Variants in PHACTR4 observed in about 807,000 individuals in gnomAD.
The protein encoded by PHACTR4 is phosphatase and actin regulator 4, also known as protein phosphatase 1, regulatory subunit 124.
PHACTR4 carries 51 observed loss-of-function variants against 72.7 expected under a neutral mutation model. The ratio of observed to expected loss-of-function variants is 0.70; its 90% CI spans 0.56 to 0.89. The LOEUF is 0.89. Among genes scored for constraint, PHACTR4 ranks in the 40% least tolerant of loss-of-function variants. The probability of loss-of-function intolerance (pLI) is 0.00; values close to 1 mark genes in which losing one functional copy is unlikely to be tolerated. For synonymous variants in PHACTR4, 255 were observed against 302.5 expected (o/e 0.84, Z 1.63); for missense variants, 731 against 861.8 (o/e 0.85, Z 1.90).
chr1:28,402,262 C>A (rs922346158), intron 1 of PHACTR4, among the ~76,000 whole-genome samples: 2 of 151,892 alleles, frequency 1.3e-5, no homozygotes, highest in Non-Finnish European at 2.9e-5. Context: ...TAGGGAATAC[C>A]TGGGGGGGAA....
At chr1:28,407,947 C>T (rs964787345) in intron 2 of PHACTR4, among the ~76,000 whole-genome samples, 11 of 151,680 alleles carry the variant, frequency 7.3e-5, no homozygotes, top group Non-Finnish European at 1.3e-4. Flanking sequence ...GACAAAACCC[C>T]GTCTCTACTA....
chr1:28,387,232 G>C (rs958991389), intron 1 of PHACTR4, among the ~76,000 whole-genome samples: 2 of 143,412 alleles, frequency 1.4e-5, no homozygotes, highest in African/African-American at 5.3e-5. Flanking sequence ...CTGCACTCCA[G>C]TGTGGCAACA....
In PHACTR4 at chr1:28,491,661, G is replaced by A. The variant is rs776684868; in HGVS notation, c.1890G>A (p.Arg630=). 2.6e-4 allele frequency: 412 copies of A among 1,613,798 alleles called. 1 individual carries two copies. Among genetic ancestry groups the A allele is most frequent in the Non-Finnish European group, 3.1e-4 (365 of 1,179,904 alleles). The change falls in exon 12 of 14, where the codon AGG becomes AGA. Residue 630 remains arginine (R), a synonymous_variant. Coordinates refer to ENST00000373839, the MANE Select transcript of PHACTR4 (RefSeq NM_001048183.3). ...KRRLTRKLSQ[R]PTVAELLARK... ...TCCGTTTCCTTCAGCTCAGTCAAAGGCCAACTGTCGCTGAACTCCTTGCCA... is the reference window on the plus strand; with the variant it reads ...TCCGTTTCCTTCAGCTCAGTCAAAGACCAACTGTCGCTGAACTCCTTGCCA...
At chr1:28,445,922 T>C (rs1657436039) in intron 2 of PHACTR4, among the ~76,000 whole-genome samples, 1 of 152,100 alleles carries the variant, frequency 6.6e-6, no homozygotes, top group African/African-American at 2.4e-5. Flanking sequence ...AAAAGAAATA[T>C]ATTATCACTT....
At chr1:28,435,159 C>T (rs35117860) in intron 2 of PHACTR4, among the ~76,000 whole-genome samples, 58,657 of 152,084 alleles carry the variant, frequency 0.39, 13,012 homozygotes, top group African/African-American at 0.6. Context: ...TGACCTGGCC[C>T]CTCCTTTCTC....
At chr1:28,433,186 G>A (rs1404214438) in intron 2 of PHACTR4, 4 of 715,476 alleles carry the variant, frequency 5.6e-6, no homozygotes, top group Non-Finnish European at 6.9e-6. Flanking sequence ...ACAAGAGATA[G>A]CTGTCTACTT....
Position 28,430,317 on chromosome 1 carries a change from C to A in PHACTR4, c.16+22854C>A, listed in dbSNP as rs1322830678. On this transcript the variant is annotated intron_variant, in intron 2 of 13. Coordinates refer to ENST00000373839, the MANE Select transcript of PHACTR4 (RefSeq NM_001048183.3). ...GGGATTACAGGCATGAGCCACTGCG[C>A]CCGGCCTTCCAGACAGTTCTTAATG... Among the ~76,000 whole-genome samples, 6 of 152,198 alleles carry A rather than the reference C, an allele frequency of 3.9e-5. No individual in the cohort carries two copies. In the East Asian group the frequency reaches 1.2e-3, roughly 29 times the overall value.
At chr1:28,419,048 T>TTTTTTTTTTTTTTTTTTTTTTTGAGA (rs1278920262) in intron 2 of PHACTR4, among the ~76,000 whole-genome samples, 23 of 149,588 alleles carry the variant, frequency 1.5e-4, no homozygotes, top group African/African-American at 3.3e-4. Context: ...ATGATTTTTT[T>TTTTTTTTTTTTTTTTTTTTTTTGAGA]CTAGGGAAGT....
rs573602656 is a variant in PHACTR4 at position 28,498,530 on chromosome 1, A to G, written c.*1981A>G. ...TCTTTGAACTTGTATTGAAAACCAT[A>G]CAGTCTCACTGTTTTGCTTTAATTC... On this transcript the variant is annotated 3_prime_UTR_variant, in exon 14 of 14. Transcript: ENST00000373839. The G allele has an allele frequency of 2.0e-5, 3 of 152,322 alleles. No homozygotes were observed. In the South Asian group the frequency reaches 6.2e-4, roughly 32 times the overall value. 9.4% of individuals were successfully genotyped at this position (152,322 alleles called of 1,614,324 possible). A position where few individuals can be genotyped will look rare whatever the true frequency, so the allele number is the denominator to read the frequency against.
intron 2 of PHACTR4, among the ~76,000 whole-genome samples, chr1:28,456,138 G>A (rs768199371): frequency 5.9e-5 from 9 of 151,982 alleles, no homozygotes; most frequent in African/African-American, 1.7e-4. Context: ...TATTTGACTC[G>A]TGGTTCTGTA....
intron 2 of PHACTR4, among the ~76,000 whole-genome samples, chr1:28,419,549 T>G (rs939045654): frequency 6.6e-6 from 1 of 151,956 alleles, no homozygotes; most frequent in Non-Finnish European, 1.5e-5. Flanking sequence ...TTCAAGCGAT[T>G]CTCCTGCCTC....
chr1:28,466,700 T>C lies in PHACTR4; in HGVS notation c.755T>C (p.Met252Thr), dbSNP rs1319752383. 1.9e-6 allele frequency: 3 copies of C among 1,614,088 alleles called. No individual in the cohort carries two copies. The highest frequency in any genetic ancestry group is 3.3e-5 in the Admixed American group (2 of 60,008). ...NTTATPSLTH[M>T]VPAKQPPIPP... The stretch of plus-strand genomic sequence containing the variant: ...ACTGCTACCCCAAGCCTCACTCATA[T>C]GGTCCCTGCCAAGCAGCCCCCTATC... The change falls in exon 6 of 14, where the codon ATG (methionine) becomes ACG (threonine). Residue 252 changes from methionine to threonine, a missense_variant. Around this residue, in one of 2 missense-constraint regions of PHACTR4, gnomAD observed 621 missense variants for 676.6 expected, o/e 0.92. Coordinates refer to ENST00000373839, the MANE Select transcript of PHACTR4 (RefSeq NM_001048183.3).
At chr1:28,494,435 T>G (rs1229412318) in intron 13 of PHACTR4, 1 of 152,022 alleles carries the variant, frequency 6.6e-6, no homozygotes, top group East Asian at 1.9e-4. Context: ...GGCAGGTGGA[T>G]CACTTGAGGC....
intron 1 of PHACTR4, among the ~76,000 whole-genome samples, chr1:28,395,799 A>G (rs1653450160): frequency 7.2e-6 from 1 of 139,026 alleles, no homozygotes; most frequent in African/African-American, 2.9e-5. Flanking sequence ...AGCTACTGTT[A>G]CAATTACACG....
intron 6 of PHACTR4, chr1:28,467,377 ATTTGTGTGTG>A (rs1032615136): frequency 7.9e-6 from 1 of 126,760 alleles, no homozygotes; most frequent in African/African-American, 3.5e-5. Context: ...CACTATACAT[ATTTGTGTGTG>A]TGTGTGTGTG....
At chr1:28,469,724 G>A (rs1659440943) in intron 6 of PHACTR4, among the ~76,000 whole-genome samples, 3 of 152,126 alleles carry the variant, frequency 2.0e-5, no homozygotes, top group Admixed American at 2.0e-4. Flanking sequence ...ATCTTTTTGT[G>A]TGTGTATGCA....
intron 9 of PHACTR4, among the ~76,000 whole-genome samples, chr1:28,487,732 T>TG (rs1557849813): frequency 6.3e-5 from 8 of 127,374 alleles, no homozygotes; most frequent in African/African-American, 2.2e-4. Context: ...TTGTTGTTTT[T>TG]TTTTTTTTTT....
intron 1 of PHACTR4, among the ~76,000 whole-genome samples, chr1:28,375,160 G>C (rs1477830168): frequency 2.0e-5 from 3 of 152,110 alleles, no homozygotes; most frequent in African/African-American, 7.2e-5. Flanking sequence ...TTAGCTGGGG[G>C]TGGTGGCCCA....
intron 1 of PHACTR4, among the ~76,000 whole-genome samples, chr1:28,377,948 A>C (rs367803241): frequency 6.6e-6 from 1 of 152,050 alleles, no homozygotes; most frequent in Non-Finnish European, 1.5e-5. Flanking sequence ...CTGTAATCCC[A>C]GCACTTTGGG....
Sources: gnomAD v4.1 joint callset for allele counts (sites outside exome capture counted in the v4.1 genomes callset) on GRCh38, gnomAD v4.1.1 for gene constraint, gnomAD v4.1.1 regional missense constraint, MANE v1.5 for transcripts, NCBI Gene and HGNC (gene_info 2026-07-23, HGNC 2026-07-21) for gene names.